The following MEGF6 variants were observed in gnomAD, a reference collection of about 807,000 sequenced individuals.
MEGF6 encodes multiple epidermal growth factor-like domains protein 6.
MEGF6 carries 184 observed loss-of-function variants against 207.1 expected under a neutral mutation model. That is an observed-to-expected ratio of 0.89 (90% CI 0.79 to 1.00). The LOEUF (loss-of-function observed/expected upper bound fraction) is 1.00, where lower values mean the gene tolerates loss of function less well. Ranked by LOEUF, MEGF6 falls within the 50% of genes least tolerant of loss-of-function variation. The pLI, the probability that MEGF6 is intolerant of heterozygous loss-of-function variation, is 0.00. For synonymous variants in MEGF6, 1,038 were observed against 910.0 expected, an observed-to-expected ratio of 1.14 and a Z score of -2.53; for missense variants, 2,282 against 2,202.9, an observed-to-expected ratio of 1.04 and a Z score of -0.72.
At chr1:3,522,566 TAGG>T (rs1370754905) in intron 5 of MEGF6, among the ~76,000 whole-genome samples, 1 of 146,866 alleles carries the variant, frequency 6.8e-6, no homozygotes, top group Non-Finnish European at 1.5e-5. Context: ...GGCCCGGCTA[TAGG>T]AGGAGACTCC....
chr1:3,618,104 G>A, the MEGF6 span, among the ~76,000 whole-genome samples: 1 of 152,172 alleles, frequency 6.6e-6, no homozygotes, highest in Admixed American at 6.5e-5. This position sits in a 1 kb window ranked among gnomAD's most constrained non-coding sequence, Gnocchi z 4.7. Context: ...AATAGACAGA[G>A]GCTCCCCCAT....
chr1:3,608,343 T>C (rs556167353), intron 1 of MEGF6, among the ~76,000 whole-genome samples: 1 of 152,118 alleles, frequency 6.6e-6, no homozygotes, highest in African/African-American at 2.4e-5. Context: ...CCAGGTCACG[T>C]GCTGTGAAAC....
Position 3,498,685 on chromosome 1 carries a change from G to T in MEGF6, c.3223+13C>A. The T allele has an allele frequency of 6.4e-7, 1 of 1,552,824 alleles. No homozygotes were observed. On this transcript the variant is annotated intron_variant, in intron 25 of 36. Transcript: ENST00000356575. ...TGCTGGGGTATGTCCCTCCTCTGCC[G>T]CCCAGCGCTCACCCTTCTCACAGGC...
At chr1:3,608,117 T>G (rs1644278116) in intron 1 of MEGF6, among the ~76,000 whole-genome samples, 1 of 151,926 alleles carries the variant, frequency 6.6e-6, no homozygotes, top group Non-Finnish European at 1.5e-5. Context: ...TTTTAAAGGC[T>G]CGTTTTTACC....
chr1:3,615,245 G>A (rs1451663709), upstream of MEGF6, among the ~76,000 whole-genome samples: 5 of 152,224 alleles, frequency 3.3e-5, no homozygotes, highest in South Asian at 2.1e-4. Context: ...GGCAGGGACC[G>A]CAGCAGGGGG....
At chr1:3,569,293 C>T (rs1417364503) in intron 4 of MEGF6, among the ~76,000 whole-genome samples, 2 of 152,248 alleles carry the variant, frequency 1.3e-5, no homozygotes, top group African/African-American at 4.8e-5. Flanking sequence ...GCCCCTCAGC[C>T]GGGGCTCCCA....
At chr1:3,507,651 G>C in intron 14 of MEGF6, 144 bp downstream of exon 14, 1 of 1,049,614 alleles carries the variant, frequency 9.5e-7, no homozygotes, top group Non-Finnish European at 1.5e-6. Flanking sequence ...AGGCAGGAAG[G>C]AAAGGGAGTC....
chr1:3,512,472 C>T (rs1641388623), intron 7 of MEGF6, among the ~76,000 whole-genome samples: 2 of 152,200 alleles, frequency 1.3e-5, no homozygotes, highest in Admixed American at 1.3e-4. Context: ...TGGCTGTGTC[C>T]CCACCCAAAT....
intron 11 of MEGF6, 63 bp from the exon 12 acceptor site, chr1:3,509,308 G>A (rs1641243786): frequency 1.2e-5 from 16 of 1,365,304 alleles, no homozygotes; most frequent in Middle Eastern, 2.7e-4. Context: ...GCGACCCCCC[G>A]GCGGGTAGGG....
In MEGF6 at chr1:3,573,123, G is replaced by A. The variant is rs1212582910; in HGVS notation, c.481+6702C>T. Among the ~76,000 whole-genome samples, 1 of 150,898 alleles carries A rather than the reference G, an allele frequency of 6.6e-6. No individual in the cohort carries two copies. Among genetic ancestry groups the A allele is most frequent in the African/African-American group, 2.4e-5 (1 of 40,946 alleles). Reference sequence around the variant, plus strand: ...TTCCTGGTATGCTGGGTCCTCCTGTGTGTGCTGGGTCCTCCCTGGTGGGCT... The same window carrying A: ...TTCCTGGTATGCTGGGTCCTCCTGTATGTGCTGGGTCCTCCCTGGTGGGCT... On this transcript the variant is annotated intron_variant, in intron 4 of 36. Coordinates refer to ENST00000356575, the MANE Select transcript of MEGF6 (RefSeq NM_001409.4). The surrounding 1 kb of genome is among the most constrained non-coding windows in gnomAD (Gnocchi z 5.1).
rs557742949 is a variant in MEGF6, at chr1:3,552,002, C to T, written c.482-27756G>A. On this transcript the variant is annotated intron_variant, in intron 4 of 36. Transcript: ENST00000356575. ...AGCAATCCCAGCCCCTTGAACCACA[C>T]TTGTCCCCAAGTCAACGTTACCATC... 9.8e-5 allele frequency among the ~76,000 whole-genome samples: 15 copies of T among 152,304 alleles called. No individual in the cohort carries two copies. In the East Asian group the frequency reaches 2.9e-3, roughly 29 times the overall value.
chr1:3,568,383 G>A (rs1209345283), intron 4 of MEGF6, among the ~76,000 whole-genome samples: 5 of 151,872 alleles, frequency 3.3e-5, no homozygotes, highest in East Asian at 3.9e-4. Flanking sequence ...TCCCACATGG[G>A]GGCTTCAGTA....
At chr1:3,592,448 C>T (rs980911884) in intron 3 of MEGF6, among the ~76,000 whole-genome samples, 4 of 152,142 alleles carry the variant, frequency 2.6e-5, no homozygotes, top group African/African-American at 7.2e-5. Context: ...CTCACTCCTG[C>T]AGGCCTCGTC....
At position 3,579,901 on chromosome 1, in the gene MEGF6, G is replaced by A. The variant is rs751702864; in HGVS notation, c.405C>T (p.His135=). The part of the protein sequence containing the change: ...SAECSASLCF[H]GGRCVPGSAQ... ...CTGAGCCTGGCACACAACGGCCACCGTGAAAACAGAGGCTGGCGCTGCATT... is the reference window on the plus strand; with the variant it reads ...CTGAGCCTGGCACACAACGGCCACCATGAAAACAGAGGCTGGCGCTGCATT... Residue 135 remains histidine, a synonymous_variant, in exon 4 of 37, where the codon CAC becomes CAT. Transcript: ENST00000356575. The A allele has an allele frequency of 1.8e-4, 278 of 1,536,850 alleles. No homozygotes were observed. Among genetic ancestry groups the A allele is most frequent in the Non-Finnish European group, 2.2e-4 (248 of 1,150,450 alleles).
At chr1:3,495,662 C>T (rs544018362) in intron 30 of MEGF6, among the ~76,000 whole-genome samples, 24 of 152,264 alleles carry the variant, frequency 1.6e-4, no homozygotes, top group East Asian at 1.9e-4. Flanking sequence ...GGCTGAGTGT[C>T]GAGGTAGGGG....
chr1:3,554,631 C>G (rs866663848), intron 4 of MEGF6, among the ~76,000 whole-genome samples: 1 of 152,186 alleles, frequency 6.6e-6, no homozygotes, highest in South Asian at 2.1e-4. Flanking sequence ...GCCCCCCAGG[C>G]AGGTGCTCCA....
chr1:3,530,468 A>G (rs986687347), intron 4 of MEGF6, among the ~76,000 whole-genome samples: 9 of 152,172 alleles, frequency 5.9e-5, no homozygotes, highest in African/African-American at 2.2e-4. Flanking sequence ...CCCAGCTCCA[A>G]GCTCTGTGGA....
Position 3,510,777 on chromosome 1 carries a change from G to A in MEGF6, c.1234+6C>T, listed in dbSNP as rs199968947. ...CCCAGCTGTGCAGTGGCAGGGCAGTGCTCACCCTCACAGCCGCAGCCATCG... is the reference window on the plus strand; with the variant it reads ...CCCAGCTGTGCAGTGGCAGGGCAGTACTCACCCTCACAGCCGCAGCCATCG... On this transcript the variant is annotated splice_donor_region_variant and intron_variant, in intron 10 of 36. Coordinates refer to ENST00000356575, the MANE Select transcript of MEGF6 (RefSeq NM_001409.4). The A allele has an allele frequency of 3.3e-3, 5,337 of 1,599,144 alleles. 11 individuals are homozygous for A. Among genetic ancestry groups the A allele is most frequent in the Non-Finnish European group, 4.2e-3 (4,921 of 1,170,320 alleles).
intron 23 of MEGF6, 149 bp from the exon 24 acceptor site, chr1:3,499,415 C>A: frequency 7.1e-7 from 1 of 1,401,290 alleles, no homozygotes; most frequent in Non-Finnish European, 9.5e-7. Flanking sequence ...ACCCACTCAG[C>A]AGAGTGGCCA....
Sources: allele counts gnomAD v4.1 joint callset (sites outside exome capture counted in the v4.1 genomes callset), GRCh38; gene constraint gnomAD v4.1.1; non-coding constraint Gnocchi (gnomAD v3.1); transcripts MANE v1.5; gene names NCBI Gene and HGNC (gene_info 2026-07-23, HGNC 2026-07-21).